The following AGBL1 variants were observed in gnomAD, a reference collection of about 807,000 sequenced individuals.
The protein encoded by AGBL1 is AGBL carboxypeptidase 1, also known as cytosolic carboxypeptidase 4.
Under a neutral mutation model 118.9 loss-of-function variants are expected in AGBL1, and 130 were observed. The ratio of observed to expected loss-of-function variants is 1.09; its 90% CI spans 0.95 to 1.26. The LOEUF (loss-of-function observed/expected upper bound fraction) is 1.26, where lower values mean the gene tolerates loss of function less well. Among genes scored for constraint, AGBL1 ranks in the 50% most tolerant of loss-of-function variants. AGBL1 has a pLI of 0.00. For missense variants in AGBL1, 1,584 were observed against 1,298.1 expected, an observed-to-expected ratio of 1.22 and a Z score of -3.38; for synonymous variants, 555 against 478.9, an observed-to-expected ratio of 1.16 and a Z score of -2.08.
At chr15:86,570,854 T>C (rs1175706330) in intron 21 of AGBL1, among the ~76,000 whole-genome samples, 1 of 152,104 alleles carries the variant, frequency 6.6e-6, no homozygotes, top group African/African-American at 2.4e-5. Flanking sequence ...TTCCGCTCAC[T>C]CGACCTGGCA....
chr15:87,022,679 G>A (rs998980265), intron 24 of AGBL1, among the ~76,000 whole-genome samples: 1 of 151,996 alleles, frequency 6.6e-6, no homozygotes, highest in Non-Finnish European at 1.5e-5. Flanking sequence ...TAAGACGGAA[G>A]AAAGAATCTT....
intron 18 of AGBL1, among the ~76,000 whole-genome samples, chr15:86,481,520 T>A (rs771688286): frequency 6.6e-6 from 1 of 152,140 alleles, no homozygotes; most frequent in Non-Finnish European, 1.5e-5. Context: ...GAATATGCAA[T>A]GAATGCATAT....
At chr15:86,797,645 A>ATG (rs143562630) in intron 22 of AGBL1, among the ~76,000 whole-genome samples, 5,029 of 152,312 alleles carry the variant, frequency 0.033, 261 homozygotes, top group African/African-American at 0.11. Flanking sequence ...CTATGGAAGA[A>ATG]TGACAGAGTG....
intron 22 of AGBL1, among the ~76,000 whole-genome samples, chr15:86,820,795 A>G (rs561357754): frequency 1.3e-5 from 2 of 152,326 alleles, no homozygotes; most frequent in Admixed American, 1.3e-4. Context: ...ATCTAGAATC[A>G]GAAATACCAT....
At chr15:86,636,948 G>T (rs960558722) in intron 21 of AGBL1, among the ~76,000 whole-genome samples, 1 of 151,338 alleles carries the variant, frequency 6.6e-6, no homozygotes, top group East Asian at 2.0e-4. Context: ...TATAAGAACA[G>T]ATCTCATCTT....
chr15:86,945,592 G>C (rs1205280938), intron 23 of AGBL1, among the ~76,000 whole-genome samples: 3 of 152,170 alleles, frequency 2.0e-5, no homozygotes, highest in Non-Finnish European at 4.4e-5. Flanking sequence ...AAGATCACTT[G>C]AGCCTGGAAG....
intron 16 of AGBL1, among the ~76,000 whole-genome samples, chr15:86,284,455 C>T (rs1211335112): frequency 1.3e-5 from 2 of 152,136 alleles, no homozygotes; most frequent in East Asian, 3.9e-4. Flanking sequence ...ATAATATTGG[C>T]AGACTGGGAC....
chr15:86,783,747 A>G (rs1296307662), intron 22 of AGBL1, among the ~76,000 whole-genome samples: 3 of 152,200 alleles, frequency 2.0e-5, no homozygotes, highest in Non-Finnish European at 2.9e-5. Context: ...CTCCTGTCTC[A>G]GCCTCCCAAG....
intron 5 of AGBL1, among the ~76,000 whole-genome samples, chr15:86,172,964 CT>C (rs2077435587): frequency 6.6e-6 from 1 of 152,048 alleles, no homozygotes; most frequent in Admixed American, 6.6e-5. Context: ...TAGATTCTGA[CT>C]AACAGGCTAT....
chr15:86,944,100 G>A (rs1263107484), intron 23 of AGBL1, among the ~76,000 whole-genome samples: 5 of 152,116 alleles, frequency 3.3e-5, no homozygotes, highest in South Asian at 4.1e-4. Flanking sequence ...GGTGGGGCGC[G>A]GTGGCTCATC....
At chr15:86,249,572 A>T (rs2078775877) in intron 7 of AGBL1, among the ~76,000 whole-genome samples, 1 of 152,062 alleles carries the variant, frequency 6.6e-6, no homozygotes, top group African/African-American at 2.4e-5. Context: ...AATTTTTCCA[A>T]GCTTCCTCAT....
At chr15:86,816,887 A>G (rs1201423938) in intron 22 of AGBL1, among the ~76,000 whole-genome samples, 1 of 152,178 alleles carries the variant, frequency 6.6e-6, no homozygotes, top group Non-Finnish European at 1.5e-5. Flanking sequence ...AAACCTTCAC[A>G]GTCACTGTGT....
At chr15:86,206,147 CT>C (rs1196475517) in intron 5 of AGBL1, among the ~76,000 whole-genome samples, 42 of 152,156 alleles carry the variant, frequency 2.8e-4, no homozygotes, top group South Asian at 1.2e-3. Context: ...TGAACTCATC[CT>C]TTTTTTATGG....
chr15:86,587,842 G>A (rs1375589503), intron 21 of AGBL1, among the ~76,000 whole-genome samples: 1 of 152,174 alleles, frequency 6.6e-6, no homozygotes, highest in East Asian at 1.9e-4. Context: ...ATCCAGGGGT[G>A]AGAACCATTA....
intron 6 of AGBL1, among the ~76,000 whole-genome samples, chr15:86,226,579 G>A (rs1173716572): frequency 6.6e-6 from 1 of 152,170 alleles, no homozygotes; most frequent in Admixed American, 6.5e-5. Flanking sequence ...TCTTATGTCA[G>A]TTGTTTACTC....
chr15:86,739,132 G>A (rs2077641500), intron 22 of AGBL1, among the ~76,000 whole-genome samples: 1 of 152,008 alleles, frequency 6.6e-6, no homozygotes, highest in African/African-American at 2.4e-5. Context: ...GGTGACAGAA[G>A]CAAGACCCTG....
chr15:86,707,073 GTC>G lies in AGBL1; in HGVS notation c.3158+32643_3158+32644del, dbSNP rs1270443274. Among the ~76,000 whole-genome samples, 7 of 152,254 alleles carry G rather than the reference GTC, an allele frequency of 4.6e-5. No homozygotes were observed. The East Asian group carries it at 1.4e-3, about 29-fold the overall frequency. On this transcript the variant is annotated intron_variant, in intron 22 of 22. Coordinates refer to ENST00000614907, the MANE Select transcript of AGBL1 (RefSeq NM_001386094.1). ...TCAACATTCTGTCCCTGAGCTGTAA[GTC>G]TCTCTATCTGTTCATCTCTCTAGTT... is the stretch of plus-strand genomic sequence containing the variant.
intron 22 of AGBL1, among the ~76,000 whole-genome samples, chr15:86,688,831 C>T (rs2086109910): frequency 6.6e-6 from 1 of 152,236 alleles, no homozygotes; most frequent in East Asian, 1.9e-4. Flanking sequence ...TTCCCATCAT[C>T]ACACCAAATA....
chr15:86,162,917 G>T (rs1489212766), intron 5 of AGBL1, among the ~76,000 whole-genome samples: 1 of 152,186 alleles, frequency 6.6e-6, no homozygotes, highest in Admixed American at 6.5e-5. Flanking sequence ...GATGCCACCT[G>T]CTCCATTTCA....
Sources: gnomAD v4.1 joint callset for allele counts (sites outside exome capture counted in the v4.1 genomes callset) on GRCh38, gnomAD v4.1.1 for gene constraint, MANE v1.5 for transcripts, NCBI Gene and HGNC (gene_info 2026-07-23, HGNC 2026-07-21) for gene names.